NHSL3: variants seen among roughly 807,000 people sequenced by gnomAD.
NHSL3 encodes the protein NHS-like protein 3.
chr1:32,756,476 C>CCCG, the NHSL3 span, among the ~76,000 whole-genome samples: 2 of 107,672 alleles, frequency 1.9e-5, no homozygotes, highest in African/African-American at 6.7e-5. Context: ...CGAGACCCCC[C>CCCG]CCCCCCGCCC....
chr1:32,762,658 C>T, the NHSL3 span, among the ~76,000 whole-genome samples: 28 of 152,114 alleles, frequency 1.8e-4, no homozygotes, highest in Non-Finnish European at 2.8e-4. Context: ...GCTGCGATCT[C>T]GGCTCACTGC....
At chr1:32,765,659 G>C in the NHSL3 span, 1 of 1,532,576 alleles carries the variant, frequency 6.5e-7, no homozygotes, top group South Asian at 1.2e-5. Context: ...TCTGCGGCGG[G>C]GCGGGAGGGC....
At chr1:32,771,620 C>T in the NHSL3 span, 1 of 1,613,138 alleles carries the variant, frequency 6.2e-7, no homozygotes, top group Non-Finnish European at 8.5e-7. Flanking sequence ...CTTGTCAGCT[C>T]CCCGGCTGCT....
the NHSL3 span, chr1:32,765,891 T>A: frequency 1.4e-6 from 2 of 1,448,410 alleles, no homozygotes; most frequent in East Asian, 4.9e-5. Context: ...CAGACCCTTA[T>A]GTAGAATGAG....
At chr1:32,763,852 G>A in the NHSL3 span, among the ~76,000 whole-genome samples, 1 of 152,140 alleles carries the variant, frequency 6.6e-6, no homozygotes, top group Non-Finnish European at 1.5e-5. Flanking sequence ...GGGATTACAG[G>A]TGTGAGCCAC....
At chr1:32,767,248 A>G in the NHSL3 span, among the ~76,000 whole-genome samples, 1 of 152,132 alleles carries the variant, frequency 6.6e-6, no homozygotes, top group Non-Finnish European at 1.5e-5. Flanking sequence ...AGGCGAGAGC[A>G]ATGTATTTAC....
the NHSL3 span, chr1:32,769,994 G>A: frequency 4.4e-6 from 7 of 1,605,314 alleles, no homozygotes; most frequent in South Asian, 1.1e-5. Flanking sequence ...ATGGGGGCCC[G>A]GGTGTCCCTG....
the NHSL3 span, chr1:32,770,349 C>T: frequency 2.7e-5 from 43 of 1,611,100 alleles, no homozygotes; most frequent in East Asian, 8.9e-4. This position sits in a 1 kb window ranked among gnomAD's most constrained non-coding sequence, Gnocchi z 8.3. Flanking sequence ...CAGCCTCAGT[C>T]CGCTCGCTGG....
At chr1:32,744,812 C>T in the NHSL3 span, among the ~76,000 whole-genome samples, 38,411 of 152,148 alleles carry the variant, frequency 0.25, 5,542 homozygotes, top group Non-Finnish European at 0.32. Context: ...CACCAAGATT[C>T]TCACAAGAGA....
the NHSL3 span, among the ~76,000 whole-genome samples, chr1:32,765,127 C>T: frequency 2.9e-4 from 44 of 152,348 alleles, no homozygotes; most frequent in African/African-American, 1.0e-3. Context: ...AAGTGTGGGG[C>T]TGAACCTATG....
At chr1:32,752,244 G>T in the NHSL3 span, among the ~76,000 whole-genome samples, 1 of 150,400 alleles carries the variant, frequency 6.6e-6, no homozygotes, top group African/African-American at 2.5e-5. Flanking sequence ...CAAGAGAAGG[G>T]CCTCAGAGAG....
chr1:32,772,250 C>A, the NHSL3 span: 5 of 1,603,568 alleles, frequency 3.1e-6, no homozygotes, highest in Non-Finnish European at 4.3e-6. Flanking sequence ...GCTCCCCCAC[C>A]TGTGGCCCGC....
the NHSL3 span, among the ~76,000 whole-genome samples, chr1:32,754,934 C>G: frequency 3.3e-5 from 5 of 152,070 alleles, no homozygotes; most frequent in Admixed American, 3.3e-4. Context: ...CCCCCCCTCC[C>G]CCGTCCCCAC....
At chr1:32,767,828 C>T in the NHSL3 span, 1 of 1,613,756 alleles carries the variant, frequency 6.2e-7, no homozygotes, top group Non-Finnish European at 8.5e-7. Flanking sequence ...AAGTGTAGGG[C>T]CTGGCCAGGG....
the NHSL3 span, among the ~76,000 whole-genome samples, chr1:32,755,466 G>A: frequency 2.6e-5 from 4 of 152,118 alleles, no homozygotes; most frequent in Non-Finnish European, 5.9e-5. Flanking sequence ...GGGAAGTGGG[G>A]GACCTCTCCT....
At chr1:32,754,680 G>T in the NHSL3 span, among the ~76,000 whole-genome samples, 1 of 152,110 alleles carries the variant, frequency 6.6e-6, no homozygotes, top group Admixed American at 6.5e-5. Flanking sequence ...AACCGGACTC[G>T]CATTCAGGCT....
chr1:32,744,765 C>T, the NHSL3 span, among the ~76,000 whole-genome samples: 1 of 152,186 alleles, frequency 6.6e-6, no homozygotes, highest in Admixed American at 6.5e-5. Context: ...AATCCTCTGG[C>T]TGGACATTGC....
the NHSL3 span, chr1:32,770,399 G>A: frequency 2.1e-5 from 33 of 1,607,498 alleles, 1 homozygote; most frequent in South Asian, 2.6e-4. This position sits in a 1 kb window ranked among gnomAD's most constrained non-coding sequence, Gnocchi z 8.3. Flanking sequence ...CCCCGCAGCC[G>A]CCACCCATCC....
chr1:32,771,164 C>T, the NHSL3 span: 4 of 1,611,706 alleles, frequency 2.5e-6, no homozygotes, highest in Non-Finnish European at 3.4e-6. Flanking sequence ...GTCATACCTC[C>T]TCACCCCAAG....
Sources: gnomAD v4.1 joint callset for allele counts (sites outside exome capture counted in the v4.1 genomes callset) on GRCh38, gnomAD v4.1.1 for gene constraint, Gnocchi (gnomAD v3.1) non-coding constraint, MANE v1.5 for transcripts, NCBI Gene and HGNC (gene_info 2026-07-23, HGNC 2026-07-21) for gene names.